NSG2: variants seen among roughly 807,000 people sequenced by gnomAD.
NSG2 encodes neuronal vesicle trafficking associated 2, also known as neuronal vesicle trafficking-associated protein 2.
A neutral mutation model predicts 16.9 loss-of-function variants in NSG2; 4 were observed. That is an observed-to-expected ratio of 0.24 (90% CI 0.12 to 0.54). NSG2 has a LOEUF of 0.54. NSG2 is among the 20% of genes least tolerant of loss of function. The pLI is 0.95. For synonymous variants in NSG2, 98 were observed against 88.7 expected (o/e 1.11, Z -0.59); for missense variants, 179 against 221.1 (o/e 0.81, Z 1.21).
intron 3 of NSG2, among the ~76,000 whole-genome samples, chr5:174,074,362 G>A (rs932298471): frequency 2.6e-5 from 4 of 152,102 alleles, no homozygotes; most frequent in African/African-American, 9.7e-5. Flanking sequence ...TCTGGGGAGG[G>A]AGGTCTCTTG....
chr5:174,084,896 A>T (rs1449778577), intron 3 of NSG2, among the ~76,000 whole-genome samples: 2 of 151,972 alleles, frequency 1.3e-5, no homozygotes, highest in Non-Finnish European at 2.9e-5. Context: ...CTGTGCGTGC[A>T]CTCCTGTGTC....
At chr5:174,105,760 C>T (rs571428855) in intron 4 of NSG2, among the ~76,000 whole-genome samples, 6 of 152,252 alleles carry the variant, frequency 3.9e-5, no homozygotes, top group South Asian at 2.1e-4. Context: ...ATTAGCCAGG[C>T]GTGGTGGCTC....
intron 3 of NSG2, among the ~76,000 whole-genome samples, chr5:174,089,011 G>GT (rs1342709020): frequency 1.3e-5 from 2 of 152,298 alleles, no homozygotes; most frequent in Admixed American, 1.3e-4. Flanking sequence ...GGTGAAATTG[G>GT]TAAGCCCCTT....
chr5:174,069,292 G>A (rs918479381), intron 3 of NSG2, among the ~76,000 whole-genome samples: 3 of 152,200 alleles, frequency 2.0e-5, no homozygotes, highest in African/African-American at 4.8e-5. Flanking sequence ...TGGTGCTGAG[G>A]AGGGTACTGA....
rs1761027582 is a variant in NSG2, at chr5:174,109,005, C to A, written c.*1500C>A. 6.5e-6 allele frequency: 1 copy of A among 152,790 alleles called. No individual in the cohort carries two copies. Among genetic ancestry groups the A allele is most frequent in the Non-Finnish European group, 1.5e-5 (1 of 68,060 alleles). 9.5% of individuals were successfully genotyped at this position (152,790 alleles called of 1,614,324 possible). A position where few individuals can be genotyped will look rare whatever the true frequency, so the allele number is the denominator to read the frequency against. On this transcript the variant is annotated 3_prime_UTR_variant, in exon 5 of 5. Coordinates refer to ENST00000303177, the MANE Select transcript of NSG2 (RefSeq NM_015980.5). ...CCAACCTCCAATCACCCTGAGTCAC[C>A]TGTAAATTCATTTGTCATTCAAAGC...
chr5:174,064,177 A>G, intron 2 of NSG2, 55 bp from the exon 3 acceptor site: 1 of 1,258,578 alleles, frequency 7.9e-7, no homozygotes, highest in Non-Finnish European at 1.1e-6. Flanking sequence ...GAAAAAAAAG[A>G]AAGGAAAATG....
Position 174,058,661 on chromosome 5 carries a change from A to C in NSG2, c.130-5571A>C, listed in dbSNP as rs771315467. On this transcript the variant is annotated intron_variant, in intron 2 of 4. Coordinates refer to ENST00000303177, the MANE Select transcript of NSG2 (RefSeq NM_015980.5). ...GCTGCCATGGGCCCAAGGGAGGAGA[A>C]CCTTTCAAGGAGGAGAGAGAGAACA... Among the ~76,000 whole-genome samples the C allele has an allele frequency of 5.3e-5, 8 of 152,236 alleles. No individual in the cohort carries two copies. The South Asian group carries it at 6.2e-4, about 12-fold the overall frequency.
chr5:174,059,005 A>G (rs1760007549), intron 2 of NSG2, among the ~76,000 whole-genome samples: 2 of 152,218 alleles, frequency 1.3e-5, no homozygotes, highest in African/African-American at 4.8e-5. Flanking sequence ...AAAGTCACTC[A>G]AAGCCTAAGT....
chr5:174,050,588 A>G (rs989831473), intron 2 of NSG2, among the ~76,000 whole-genome samples: 18 of 151,966 alleles, frequency 1.2e-4, no homozygotes, highest in Non-Finnish European at 5.9e-5. Flanking sequence ...TGATGTTCCA[A>G]CTTTTTTTTT....
chr5:174,090,154 G>A (rs1045987804), intron 3 of NSG2, among the ~76,000 whole-genome samples: 1 of 152,140 alleles, frequency 6.6e-6, no homozygotes, highest in Non-Finnish European at 1.5e-5. Flanking sequence ...TCACCAGGAG[G>A]ACTCACAGCA....
Position 174,092,748 on chromosome 5 carries a change from T to C in NSG2, c.214-11480T>C, listed in dbSNP as rs78120114. On this transcript the variant is annotated intron_variant, in intron 3 of 4. Transcript: ENST00000303177. ...CATTAGCGCACTGATTTAGAGCCAT[T>C]GTGTAGGTGGTGGGGTCAAGGCTTG... 7.4e-3 allele frequency among the ~76,000 whole-genome samples: 1,123 copies of C among 152,206 alleles called. 12 individuals carry two copies. The highest frequency in any genetic ancestry group is 0.026 in the African/African-American group (1,059 of 41,524).
At chr5:174,047,275 C>G (rs1160389324) in intron 2 of NSG2, among the ~76,000 whole-genome samples, 1 of 152,124 alleles carries the variant, frequency 6.6e-6, no homozygotes, top group Non-Finnish European at 1.5e-5. Flanking sequence ...AACAAGCATT[C>G]AGTTTGTACC....
intron 3 of NSG2, among the ~76,000 whole-genome samples, chr5:174,088,697 TG>T (rs1760672663): frequency 6.6e-6 from 1 of 152,194 alleles, no homozygotes; most frequent in Non-Finnish European, 1.5e-5. Flanking sequence ...GCGCTGGGCT[TG>T]GCATTTCCAC....
intron 3 of NSG2, among the ~76,000 whole-genome samples, chr5:174,081,270 T>A (rs1329776588): frequency 6.6e-6 from 1 of 152,338 alleles, no homozygotes; most frequent in South Asian, 2.1e-4. Flanking sequence ...AGACTCCTGA[T>A]GTCATTTTCC....
At chr5:174,105,218 T>G (rs1480946202) in intron 4 of NSG2, among the ~76,000 whole-genome samples, 1 of 152,150 alleles carries the variant, frequency 6.6e-6, no homozygotes, top group Non-Finnish European at 1.5e-5. Flanking sequence ...GACATCACAA[T>G]AATTATGTTT....
At chr5:174,085,995 C>T (rs898914260) in intron 3 of NSG2, among the ~76,000 whole-genome samples, 3 of 152,186 alleles carry the variant, frequency 2.0e-5, no homozygotes, top group Non-Finnish European at 2.9e-5. Context: ...GGTCCTTCTC[C>T]TCTACATTCT....
In NSG2 at chr5:174,083,954, G is replaced by A. The variant is rs143185486; in HGVS notation, c.213+19639G>A. The A allele has an allele frequency of 1.6e-4, 24 of 152,314 alleles. No individual in the cohort carries two copies. The East Asian group carries it at 4.6e-3, about 29-fold the overall frequency. 9.4% of individuals were successfully genotyped at this position (152,314 alleles called of 1,614,324 possible). A position where few individuals can be genotyped will look rare whatever the true frequency, so the allele number is the denominator to read the frequency against. On this transcript the variant is annotated intron_variant, in intron 3 of 4. Coordinates refer to ENST00000303177, the MANE Select transcript of NSG2 (RefSeq NM_015980.5). ...TGCGTTAGATAGGGGCCATTTGTGT[G>A]TCTTCTGAGCAATCAGTTTGCTTTT...
At chr5:174,061,451 C>G (rs559997361) in intron 2 of NSG2, among the ~76,000 whole-genome samples, 6 of 152,316 alleles carry the variant, frequency 3.9e-5, no homozygotes, top group African/African-American at 1.4e-4. Context: ...TTCCGACTCT[C>G]GTATTCGCAT....
chr5:174,106,804 A>G (rs1444506814), intron 4 of NSG2, among the ~76,000 whole-genome samples: 2 of 152,052 alleles, frequency 1.3e-5, no homozygotes, highest in Admixed American at 6.5e-5. Flanking sequence ...TCTGTTGGTC[A>G]GGCTGGTGTT....
Sources: gnomAD v4.1 joint callset for allele counts (sites outside exome capture counted in the v4.1 genomes callset) on GRCh38, gnomAD v4.1.1 for gene constraint, MANE v1.5 for transcripts, NCBI Gene and HGNC (gene_info 2026-07-23, HGNC 2026-07-21) for gene names.